The following PKHD1 variants were observed in gnomAD, a reference collection of about 807,000 sequenced individuals.
PKHD1 encodes PKHD1 ciliary IPT domain containing fibrocystin/polyductin.
PKHD1 carries 291 observed loss-of-function variants against 412.0 expected under a neutral mutation model. That is an observed-to-expected ratio of 0.71 (90% CI 0.64 to 0.78). The LOEUF is 0.78. Among genes scored for constraint, PKHD1 ranks in the 30% least tolerant of loss-of-function variants. PKHD1 has a pLI of 0.00. For synonymous variants in PKHD1, 1,777 were observed against 1,821.5 expected (o/e 0.98, Z 0.62); for missense variants, 4,825 against 4,950.7 (o/e 0.97, Z 0.76).
intron 60 of PKHD1, among the ~76,000 whole-genome samples, chr6:51,738,105 C>A (rs1181889151): frequency 6.6e-6 from 1 of 152,164 alleles, no homozygotes; most frequent in Non-Finnish European, 1.5e-5. Flanking sequence ...AGACAGGTAG[C>A]CGATAGTTTG....
intron 55 of PKHD1, among the ~76,000 whole-genome samples, chr6:51,770,139 A>C (rs1789825196): frequency 6.6e-6 from 1 of 151,742 alleles, no homozygotes; most frequent in African/African-American, 2.4e-5. Context: ...CCTAATTAAA[A>C]GATTTGGAAC....
chr6:51,963,456 T>G (rs1005992223), intron 35 of PKHD1, among the ~76,000 whole-genome samples: 2 of 152,160 alleles, frequency 1.3e-5, no homozygotes, highest in African/African-American at 4.8e-5. Context: ...AAATAATTAC[T>G]AAATACTAAA....
chr6:51,647,961 A>G (rs1223864557), intron 63 of PKHD1, 70 bp downstream of exon 63: 7 of 936,044 alleles, frequency 7.5e-6, no homozygotes, highest in Non-Finnish European at 8.9e-6. Context: ...TGAATTCCTA[A>G]TGGCTGCAAA....
intron 35 of PKHD1, 121 bp from the exon 36 acceptor site, chr6:51,960,147 A>G (rs1448271863): frequency 3.5e-6 from 3 of 854,988 alleles, no homozygotes; most frequent in African/African-American, 1.7e-5. Context: ...GCGGGATAGT[A>G]TAAGTATTGA....
In PKHD1 at chr6:51,671,240, C is replaced by T. The variant is rs1437796207; in HGVS notation, c.10157-11271G>A. On this transcript the variant is annotated intron_variant, in intron 60 of 66. Coordinates refer to ENST00000371117, the MANE Select transcript of PKHD1 (RefSeq NM_138694.4). ...AGTCCCATATTTCTTGGAGGCTTTG[C>T]TCGTTTCTTTTTATTCTTTTTTCTC... is the stretch of plus-strand genomic sequence containing the variant. 2.6e-5 allele frequency among the ~76,000 whole-genome samples: 4 copies of T among 152,010 alleles called. No individual in the cohort carries two copies. The South Asian group carries it at 6.2e-4, about 24-fold the overall frequency.
At chr6:51,800,574 CT>C (rs1256697094) in intron 52 of PKHD1, among the ~76,000 whole-genome samples, 2 of 152,158 alleles carry the variant, frequency 1.3e-5, no homozygotes, top group Admixed American at 6.6e-5. Flanking sequence ...TTTAAACTCA[CT>C]TTTTTTCCCA....
At chr6:51,746,085 C>T (rs1319211164) in intron 59 of PKHD1, among the ~76,000 whole-genome samples, 1 of 152,074 alleles carries the variant, frequency 6.6e-6, no homozygotes, top group East Asian at 1.9e-4. Flanking sequence ...TAACTTTCTA[C>T]TCTCTTTCAT....
At chr6:51,689,320 T>A (rs573830676) in intron 60 of PKHD1, among the ~76,000 whole-genome samples, 1 of 152,282 alleles carries the variant, frequency 6.6e-6, no homozygotes, top group African/African-American at 2.4e-5. Context: ...AAACTCTCAA[T>A]AAACTAATTA....
Position 51,656,248 on chromosome 6 carries a change from A to C in PKHD1, c.11174+2704T>G, listed in dbSNP as rs575566885. Among the ~76,000 whole-genome samples, 59 of 152,320 alleles carry C rather than the reference A, an allele frequency of 3.9e-4. 1 individual carries two copies. Among genetic ancestry groups the C allele is most frequent in the African/African-American group, 1.3e-3 (56 of 41,576 alleles). ...CAGCAAACTAACACAGGAACAGAAA[A>C]CCAAACACCGCATGTTCTCACTCAT... is the stretch of plus-strand genomic sequence containing the variant. On this transcript the variant is annotated intron_variant, in intron 61 of 66. Coordinates refer to ENST00000371117, the MANE Select transcript of PKHD1 (RefSeq NM_138694.4).
intron 60 of PKHD1, among the ~76,000 whole-genome samples, chr6:51,697,682 A>G (rs1778962389): frequency 6.6e-6 from 1 of 152,228 alleles, no homozygotes; most frequent in Non-Finnish European, 1.5e-5. Context: ...AGTCAGTGCT[A>G]CAGAGGGATT....
At chr6:51,950,050 T>C (rs1790076677) in intron 36 of PKHD1, among the ~76,000 whole-genome samples, 1 of 151,882 alleles carries the variant, frequency 6.6e-6, no homozygotes. Flanking sequence ...GTATTTTAAT[T>C]GTAATGTCTC....
At chr6:51,804,657 G>A (rs1416053141) in intron 52 of PKHD1, among the ~76,000 whole-genome samples, 1 of 152,154 alleles carries the variant, frequency 6.6e-6, no homozygotes, top group East Asian at 1.9e-4. Flanking sequence ...ATAATACTAT[G>A]AGAGTAACAG....
At chr6:51,919,566 G>A (rs571286074) in intron 37 of PKHD1, among the ~76,000 whole-genome samples, 1 of 152,298 alleles carries the variant, frequency 6.6e-6, no homozygotes, top group Non-Finnish European at 1.5e-5. Context: ...GTAGCATGAT[G>A]CCTCCAGCTT....
chr6:51,832,988 T>C lies in PKHD1; in HGVS notation c.8174-1999A>G, dbSNP rs548919790. 5.3e-5 allele frequency among the ~76,000 whole-genome samples: 8 copies of C among 152,308 alleles called. No individual in the cohort carries two copies. In the South Asian group the frequency reaches 1.7e-3, roughly 32 times the overall value. ...TTTATAAATATTTCATAAACTCCAA[T>C]ACTGTAATACCTTTCTAAGTTTTTT... On this transcript the variant is annotated intron_variant, in intron 51 of 66. Coordinates refer to ENST00000371117, the MANE Select transcript of PKHD1 (RefSeq NM_138694.4).
chr6:51,851,538 T>C (rs1282636802), intron 49 of PKHD1, among the ~76,000 whole-genome samples: 1 of 152,196 alleles, frequency 6.6e-6, no homozygotes, highest in Non-Finnish European at 1.5e-5. Context: ...GGGCTTTTTT[T>C]GGTTGTAGGC....
At chr6:51,967,046 A>G (rs758108779) in intron 35 of PKHD1, among the ~76,000 whole-genome samples, 2 of 152,158 alleles carry the variant, frequency 1.3e-5, no homozygotes, top group African/African-American at 2.4e-5. Context: ...CTGGCCCTGG[A>G]GGAAGGAACG....
chr6:52,082,450 C>T lies in PKHD1; in HGVS notation c.223G>A (p.Val75Ile). Reference sequence around the variant, plus strand: ...AAAACAGGAAAGACGTCACAGGGAACACTCCGCAGTGCGGGCACCACCATG... The same window carrying T: ...AAAACAGGAAAGACGTCACAGGGAATACTCCGCAGTGCGGGCACCACCATG... Reference protein sequence around the residue: ...VNMVVPALRSVPCDVFPVFLD... With the variant: ...VNMVVPALRSIPCDVFPVFLD... The change falls in exon 4 of 67, where the codon GTT becomes ATT. Residue 75 changes from valine (V) to isoleucine (I), a missense_variant. By Grantham distance (29) the Val-to-Ile change is conservative (BLOSUM62 3). Coordinates refer to ENST00000371117, the MANE Select transcript of PKHD1 (RefSeq NM_138694.4). 6.2e-7 allele frequency: 1 copy of T among 1,614,126 alleles called. No individual in the cohort carries two copies. Among genetic ancestry groups the T allele is most frequent in the Non-Finnish European group, 8.5e-7 (1 of 1,179,974 alleles).
At chr6:51,740,353 G>C (rs1784414077) in intron 60 of PKHD1, among the ~76,000 whole-genome samples, 1 of 152,160 alleles carries the variant, frequency 6.6e-6, no homozygotes, top group South Asian at 2.1e-4. Flanking sequence ...GTCTGGGTGA[G>C]TAGTTTTTGT....
intron 55 of PKHD1, among the ~76,000 whole-genome samples, chr6:51,761,796 CTT>C (rs1788061112): frequency 6.6e-6 from 1 of 151,674 alleles, no homozygotes; most frequent in Non-Finnish European, 1.5e-5. Flanking sequence ...GACTGGATGT[CTT>C]ATATATTTTC....
Sources: gnomAD v4.1 joint callset for allele counts (sites outside exome capture counted in the v4.1 genomes callset) on GRCh38, gnomAD v4.1.1 for gene constraint, MANE v1.5 for transcripts, NCBI Gene and HGNC (gene_info 2026-07-23, HGNC 2026-07-21) for gene names.